The following KIAA0586 variants were observed in gnomAD, a reference collection of about 807,000 sequenced individuals.
The protein encoded by KIAA0586 is KIAA0586.
In KIAA0586, 144 loss-of-function variants were observed where a neutral mutation model predicts 169.8. That is an observed-to-expected ratio of 0.85 (90% CI 0.74 to 0.97). The LOEUF (loss-of-function observed/expected upper bound fraction) is 0.97. Ranked by LOEUF, KIAA0586 falls within the 50% of genes least tolerant of loss-of-function variation. KIAA0586 has a pLI of 0.00. For synonymous variants in KIAA0586, 625 were observed against 612.4 expected (o/e 1.02, Z -0.30); for missense variants, 1,854 against 1,823.0 (o/e 1.02, Z -0.31).
rs762154780 is a variant in KIAA0586 at position 58,442,829 on chromosome 14, C to T, written c.534C>T (p.Thr178=). The change falls in exon 5 of 31, where the codon ACC becomes ACT. Residue 178 remains threonine, a synonymous_variant. Transcript: ENST00000652326. The part of the protein sequence containing the change: ...ISPSGIDSAT[T]VAAATAAAIA... ...CCAGTGGAATTGATTCAGCTACAAC[C>T]GTGGCTGCAGCAACTGCTGCTGCCA... 86 of 1,610,128 alleles carry T rather than the reference C, an allele frequency of 5.3e-5. No individual in the cohort carries two copies. Among genetic ancestry groups the T allele is most frequent in the Admixed American group, 1.8e-4 (11 of 59,526 alleles).
intron 27 of KIAA0586, among the ~76,000 whole-genome samples, chr14:58,505,890 A>G (rs1005415560): frequency 2.0e-5 from 3 of 152,164 alleles, no homozygotes; most frequent in African/African-American, 4.8e-5. Context: ...TCTTTTTGCC[A>G]TATAATTTAA....
chr14:58,498,632 T>A, intron 26 of KIAA0586, 151 bp from the exon 27 acceptor site: 1 of 488,124 alleles, frequency 2.0e-6, no homozygotes, highest in Non-Finnish European at 3.5e-6. Flanking sequence ...CTTGAACTTT[T>A]CTTGCATGTA....
At position 58,428,346 on chromosome 14, in the gene KIAA0586, A is replaced by C. The variant is rs768319068; in HGVS notation, c.82A>C (p.Asn28His). The change falls in exon 1 of 31, where the codon AAT becomes CAT. Residue 28 changes from asparagine to histidine, a missense_variant. Transcript: ENST00000652326. Reference sequence around the variant, plus strand: ...GAGACTTCGTGAGGTAGTTTCTCAAAATCATGGAGATCATTTGGTTTTGCT... The same window carrying C: ...GAGACTTCGTGAGGTAGTTTCTCAACATCATGGAGATCATTTGGTTTTGCT... ...VKRLREVVSQ[N>H]HGDHLVLLKD... 6.2e-7 allele frequency: 1 copy of C among 1,613,974 alleles called. No homozygotes were observed. The highest frequency in any genetic ancestry group is 1.7e-5 in the Admixed American group (1 of 60,008).
intron 14 of KIAA0586, among the ~76,000 whole-genome samples, chr14:58,462,016 G>A (rs1407485070): frequency 6.6e-6 from 1 of 152,162 alleles, no homozygotes; most frequent in Non-Finnish European, 1.5e-5. Flanking sequence ...CTGACAATAT[G>A]TGATAACTAG....
intron 3 of KIAA0586, 80 bp from the exon 4 acceptor site, chr14:58,432,308 A>G: frequency 1.1e-6 from 1 of 869,572 alleles, no homozygotes; most frequent in Non-Finnish European, 1.8e-6. Context: ...TTTTAGTTAA[A>G]AAAGATTTTT....
rs779179754 is a variant in KIAA0586, at chr14:58,492,170, A to C, written c.3885A>C (p.Gln1295His). Residue 1295 changes from glutamine (Q) to histidine (H), a missense_variant, in exon 26 of 31, where the codon CAA (glutamine) becomes CAC (histidine). Physicochemically the swap from Gln to His is conservative, Grantham distance 24 (BLOSUM62 0). Transcript: ENST00000652326. ...EMEDDPPSEGQVIRMSHKKFH... is the reference protein window; with the variant it reads ...EMEDDPPSEGHVIRMSHKKFH... ...AGGATGATCCTCCTAGTGAAGGGCA[A>C]GTGATTAGGATGTCCCATAAAAAAT... The C allele has an allele frequency of 4.5e-6, 7 of 1,546,358 alleles. No homozygotes were observed. The Admixed American group carries it at 6.0e-5, about 13-fold the overall frequency.
At chr14:58,479,390 A>G (rs2041876006) in intron 20 of KIAA0586, among the ~76,000 whole-genome samples, 1 of 152,200 alleles carries the variant, frequency 6.6e-6, no homozygotes, top group Non-Finnish European at 1.5e-5. Flanking sequence ...ATTACTGAGT[A>G]TGAAGTTTTT....
intron 29 of KIAA0586, among the ~76,000 whole-genome samples, chr14:58,537,575 C>T (rs1000764547): frequency 6.6e-6 from 1 of 152,182 alleles, no homozygotes; most frequent in African/African-American, 2.4e-5. Context: ...CTGTCCCTCT[C>T]TAACTCTTGG....
intron 27 of KIAA0586, 142 bp downstream of exon 27, chr14:58,499,102 C>T (rs778252365): frequency 9.9e-5 from 69 of 695,060 alleles, no homozygotes; most frequent in Non-Finnish European, 1.5e-4. Flanking sequence ...TTGGTGATAA[C>T]TTTTTTTATA....
intron 29 of KIAA0586, among the ~76,000 whole-genome samples, chr14:58,526,561 CATCAAAGA>C (rs1247547753): frequency 6.6e-6 from 1 of 152,202 alleles, no homozygotes; most frequent in Non-Finnish European, 1.5e-5. Context: ...AGGTCACTAA[CATCAAAGA>C]CCAAAGGTAG....
intron 29 of KIAA0586, among the ~76,000 whole-genome samples, chr14:58,519,834 A>G (rs1431603029): frequency 6.6e-6 from 1 of 152,230 alleles, no homozygotes; most frequent in South Asian, 2.1e-4. Flanking sequence ...ACAACATTTA[A>G]TTCTGTTATT....
chr14:58,437,888 A>G (rs369414446), intron 4 of KIAA0586, among the ~76,000 whole-genome samples: 3 of 152,162 alleles, frequency 2.0e-5, no homozygotes, highest in African/African-American at 7.2e-5. Context: ...ATTCTGAGAA[A>G]ACCAAACATT....
chr14:58,427,527 A>G (rs1658037309), upstream of KIAA0586: 3 of 1,479,678 alleles, frequency 2.0e-6, no homozygotes, highest in Admixed American at 2.0e-5. Context: ...GCAATGTGCT[A>G]CCTTAAAATA....
Position 58,428,056 on chromosome 14 carries a change from AT to A in KIAA0586, c.-208del. 6.9e-7 allele frequency: 1 copy of A among 1,440,580 alleles called. No homozygotes were observed. Among genetic ancestry groups the A allele is most frequent in the South Asian group, 1.5e-5 (1 of 65,506 alleles). 89.2% of individuals were successfully genotyped at this position (1,440,580 alleles called of 1,614,324 possible). ...TTTCACATTTTGGCGTGGTGTATTAATAGACTGAGTGGGATTAATGGGTAAA... is the reference window on the plus strand; with the variant it reads ...TTTCACATTTTGGCGTGGTGTATTAAAGACTGAGTGGGATTAATGGGTAAA... On this transcript the variant is annotated 5_prime_UTR_variant, in exon 1 of 31. The change abolishes the stop of an existing upstream ORF in the 5' untranslated region. Transcript: ENST00000652326.
At chr14:58,455,199 A>C (rs944505270) in intron 9 of KIAA0586, among the ~76,000 whole-genome samples, 1 of 151,318 alleles carries the variant, frequency 6.6e-6, no homozygotes, top group Non-Finnish European at 1.5e-5. Context: ...AATGTTTTCT[A>C]TCTCTATTGA....
chr14:58,559,684 C>G, the KIAA0586 span, among the ~76,000 whole-genome samples: 4 of 152,086 alleles, frequency 2.6e-5, no homozygotes, highest in African/African-American at 9.7e-5. Context: ...GCCTGAGAAG[C>G]CTTGGGAACT....
intron 9 of KIAA0586, among the ~76,000 whole-genome samples, chr14:58,455,699 T>C (rs1161223351): frequency 6.6e-6 from 1 of 152,164 alleles, no homozygotes; most frequent in Non-Finnish European, 1.5e-5. Flanking sequence ...TGTGTATGTG[T>C]GTGTGCGAGT....
In KIAA0586 at chr14:58,547,960, T is replaced by G. The variant is rs778174035; in HGVS notation, c.*28T>G. The G allele has an allele frequency of 6.2e-7, 1 of 1,609,430 alleles. No individual in the cohort carries two copies. The highest frequency in any genetic ancestry group is 1.1e-5 in the South Asian group (1 of 90,368). On this transcript the variant is annotated 3_prime_UTR_variant, in exon 31 of 31. Coordinates refer to ENST00000652326, the MANE Select transcript of KIAA0586 (RefSeq NM_001329943.3). The stretch of plus-strand genomic sequence containing the variant: ...GGGAAGAGACAGCCAGCACAGTGTT[T>G]ATGCCACTGGTTTTAAAGTCATTTT...
Position 58,472,190 on chromosome 14 carries a change from CT to C in KIAA0586, c.2554-6del. 6.6e-7 allele frequency: 1 copy of C among 1,510,486 alleles called. No individual in the cohort carries two copies. Among genetic ancestry groups the C allele is most frequent in the Non-Finnish European group, 8.9e-7 (1 of 1,124,508 alleles). 93.6% of individuals were successfully genotyped at this position (1,510,486 alleles called of 1,614,324 possible). ...GCACAACAAAAACTTTCTGAAAATG[CT>C]TTCTTAGACTCCAGAAATTATGAAG... is the stretch of plus-strand genomic sequence containing the variant. On this transcript the variant is annotated splice_polypyrimidine_tract_variant and splice_region_variant and intron_variant, in intron 17 of 30. Transcript: ENST00000652326.
Sources: gnomAD v4.1 joint callset for allele counts (sites outside exome capture counted in the v4.1 genomes callset) on GRCh38, gnomAD v4.1.1 for gene constraint, MANE v1.5 for transcripts, NCBI Gene and HGNC (gene_info 2026-07-23, HGNC 2026-07-21) for gene names.